Variants in ATP11A observed in about 807,000 individuals in gnomAD.
ATP11A encodes ATPase phospholipid transporting 11A.
Under a neutral mutation model 154.4 loss-of-function variants are expected in ATP11A, and 81 were observed. That is an observed-to-expected ratio of 0.52 (90% CI 0.44 to 0.63). The LOEUF (loss-of-function observed/expected upper bound fraction) is 0.63. Ranked by LOEUF, ATP11A falls within the 30% of genes least tolerant of loss-of-function variation. The probability of loss-of-function intolerance (pLI) is 0.00; values close to 1 mark genes in which losing one functional copy is unlikely to be tolerated. For missense variants in ATP11A, 1,316 were observed against 1,474.3 expected, an observed-to-expected ratio of 0.89 and a Z score of 1.76; for synonymous variants, 623 against 585.9, an observed-to-expected ratio of 1.06 and a Z score of -0.91.
At chr13:112,781,278 GCTC>G (rs2077492293) in intron 1 of ATP11A, among the ~76,000 whole-genome samples, 1 of 151,914 alleles carries the variant, frequency 6.6e-6, no homozygotes, top group Non-Finnish European at 1.5e-5. Context: ...GGCCTCAAGC[GCTC>G]CGCCTGCCTT....
intron 6 of ATP11A, 62 bp downstream of exon 6, chr13:112,816,273 C>G: frequency 6.3e-7 from 1 of 1,599,768 alleles, no homozygotes; most frequent in South Asian, 1.1e-5. Context: ...GGACTGTGCC[C>G]ATGCGGCCAC....
chr13:112,736,388 G>C (rs1031800138), intron 1 of ATP11A, among the ~76,000 whole-genome samples: 8 of 152,144 alleles, frequency 5.3e-5, no homozygotes, highest in Admixed American at 1.3e-4. Flanking sequence ...AACTTTATAG[G>C]AAAAGATGTT....
intron 8 of ATP11A, among the ~76,000 whole-genome samples, chr13:112,820,936 AGGAGCTAC>A (rs1204293586): frequency 6.6e-6 from 1 of 152,242 alleles, no homozygotes; most frequent in Non-Finnish European, 1.5e-5. Context: ...GTAAGTCTCC[AGGAGCTAC>A]TGTTTTAAGA....
chr13:112,801,552 C>G (rs1594743106), intron 2 of ATP11A, among the ~76,000 whole-genome samples: 1 of 152,154 alleles, frequency 6.6e-6, no homozygotes, highest in African/African-American at 2.4e-5. Context: ...CCCAAAGAAC[C>G]AACAATAACA....
Position 112,859,015 on chromosome 13 carries a change from C to T in ATP11A, c.2668-378C>T, listed in dbSNP as rs1293639151. The T allele has an allele frequency of 3.5e-6, 1 of 284,008 alleles. No homozygotes were observed. The highest frequency in any genetic ancestry group is 2.2e-5 in the African/African-American group (1 of 44,932). The allele number at this position is 284,008 out of a possible 1,614,324, so 17.6% of individuals were successfully genotyped here. On this transcript the variant is annotated intron_variant, in intron 22 of 29. Transcript: ENST00000375645. This position sits in a 1 kb window ranked among gnomAD's most constrained non-coding sequence, Gnocchi z 4.3. ...CCGTGCCGCGGGAGGAGACCCCCAGCCCTTTTCTCCCCCCACAGAATTGAG... is the reference window on the plus strand; with the variant it reads ...CCGTGCCGCGGGAGGAGACCCCCAGTCCTTTTCTCCCCCCACAGAATTGAG...
Position 112,831,424 on chromosome 13 carries a change from T to G in ATP11A, c.1271T>G (p.Met424Arg), listed in dbSNP as rs1366545716. 1 of 1,614,056 alleles carries G rather than the reference T, an allele frequency of 6.2e-7. No homozygotes were observed. The highest frequency in any genetic ancestry group is 1.7e-5 in the Admixed American group (1 of 60,020). The change falls in exon 13 of 30, where the codon ATG becomes AGG. Residue 424 changes from methionine (M) to arginine (R), a missense_variant. By Grantham distance (91) the Met-to-Arg change is moderately conservative. Coordinates refer to ENST00000375645, the MANE Select transcript of ATP11A (RefSeq NM_015205.3). ...ACCGGCACCCTCACGGAAAACAACA[T>G]GGAGTTCAAGGAGTGCTGCATCGAA... ...DKTGTLTENN[M>R]EFKECCIEGH...
At chr13:112,740,152 A>ATG (rs1383577420) in intron 1 of ATP11A, among the ~76,000 whole-genome samples, 1 of 128,666 alleles carries the variant, frequency 7.8e-6, no homozygotes, top group Admixed American at 7.5e-5. Context: ...CTCTCTCTAT[A>ATG]TATATATATA....
At chr13:112,777,310 T>A (rs146254533) in intron 1 of ATP11A, among the ~76,000 whole-genome samples, 40 of 152,300 alleles carry the variant, frequency 2.6e-4, no homozygotes, top group African/African-American at 9.4e-4. Context: ...ACGCCCGTAA[T>A]CCCAGCACTT....
At chr13:112,710,542 G>A (rs571300531) in intron 1 of ATP11A, among the ~76,000 whole-genome samples, 1 of 152,306 alleles carries the variant, frequency 6.6e-6, no homozygotes, top group Non-Finnish European at 1.5e-5. Context: ...AGGAGCCTGC[G>A]GGAGAAGACA....
At chr13:112,810,388 C>T (rs1019382830) in intron 4 of ATP11A, among the ~76,000 whole-genome samples, 1 of 152,260 alleles carries the variant, frequency 6.6e-6, no homozygotes, top group African/African-American at 2.4e-5. Flanking sequence ...TCTCCAACGT[C>T]TTCGAAGTTC....
At chr13:112,837,836 TA>T (rs759305557) in intron 16 of ATP11A, among the ~76,000 whole-genome samples, 1 of 151,548 alleles carries the variant, frequency 6.6e-6, no homozygotes, top group African/African-American at 2.4e-5. Flanking sequence ...GAAGGAGCTG[TA>T]GGGGGAGGCA....
At chr13:112,757,129 C>G (rs1352897483) in intron 1 of ATP11A, among the ~76,000 whole-genome samples, 1 of 152,154 alleles carries the variant, frequency 6.6e-6, no homozygotes, top group Non-Finnish European at 1.5e-5. Flanking sequence ...TGTAGTGTTA[C>G]TGGTGGAGCT....
chr13:112,799,202 T>C (rs912020825), intron 2 of ATP11A, among the ~76,000 whole-genome samples: 1 of 152,230 alleles, frequency 6.6e-6, no homozygotes, highest in African/African-American at 2.4e-5. Context: ...TCCACTGTTA[T>C]ATTTGGACAC....
Position 112,817,478 on chromosome 13 carries a change from G to A in ATP11A, c.570+1267G>A, listed in dbSNP as rs1008951127. Among the ~76,000 whole-genome samples, 24 of 152,300 alleles carry A rather than the reference G, an allele frequency of 1.6e-4. No individual in the cohort carries two copies. The South Asian group carries it at 2.9e-3, about 18-fold the overall frequency. On this transcript the variant is annotated intron_variant, in intron 6 of 29. Coordinates refer to ENST00000375645, the MANE Select transcript of ATP11A (RefSeq NM_015205.3). Reference sequence around the variant, plus strand: ...GATTGTCAGCAGTTTCTAGGGGGTCGGAATCCCTGGATGATTCAGGTATTC... The same window carrying A: ...GATTGTCAGCAGTTTCTAGGGGGTCAGAATCCCTGGATGATTCAGGTATTC...
In ATP11A at chr13:112,851,204, A is replaced by G. The variant is rs1342666519; in HGVS notation, c.1977A>G (p.Thr659=). ...AAGATCTTACTCTGCTTGGTGCTAC[A>G]GCTGTTGAGGACCGGTAAAGTAAAC... ...IEKDLTLLGA[T]AVEDRLQEKA... The change falls in exon 18 of 30, where the codon ACA becomes ACG. Residue 659 remains threonine, a synonymous_variant. Coordinates refer to ENST00000375645, the MANE Select transcript of ATP11A (RefSeq NM_015205.3). 6.2e-7 allele frequency: 1 copy of G among 1,613,582 alleles called. No individual in the cohort carries two copies. The highest frequency in any genetic ancestry group is 1.3e-5 in the African/African-American group (1 of 74,928).
intron 1 of ATP11A, among the ~76,000 whole-genome samples, chr13:112,719,188 C>T (rs997592479): frequency 2.5e-4 from 38 of 150,644 alleles, no homozygotes; most frequent in East Asian, 2.0e-4. Context: ...CGTCAAAGAC[C>T]GTCTTGGTGA....
chr13:112,705,277 T>C (rs1887007163), intron 1 of ATP11A, among the ~76,000 whole-genome samples: 1 of 136,870 alleles, frequency 7.3e-6, no homozygotes, highest in Non-Finnish European at 1.5e-5. Context: ...TCGGATGTAA[T>C]GTGGAAACAA....
chr13:112,858,493 T>C, intron 22 of ATP11A: 1 of 519,822 alleles, frequency 1.9e-6, no homozygotes, highest in Non-Finnish European at 3.2e-6. Context: ...TTACCTACAG[T>C]CAACCCATGC....
In ATP11A at chr13:112,855,981, C is replaced by G. The variant is rs768368911; in HGVS notation, c.2314C>G (p.Arg772Gly). 9 of 1,614,168 alleles carry G rather than the reference C, an allele frequency of 5.6e-6. No homozygotes were observed. The highest frequency in any genetic ancestry group is 1.3e-5 in the African/African-American group (1 of 75,042). Residue 772 changes from arginine to glycine, a missense_variant, in exon 20 of 30, where the codon CGA (arginine) becomes GGA (glycine). Arg to Gly is a moderately radical substitution (Grantham distance 125, BLOSUM62 -2). This residue lies in a region of ATP11A where 876 missense variants were observed against 1,006.8 expected (regional missense o/e 0.87). Coordinates refer to ENST00000375645, the MANE Select transcript of ATP11A (RefSeq NM_015205.3). ...GAALSLIMKP[R>G]EDGSSGNYRE... ...TGCACTGTCTCTGATAATGAAGCCT[C>G]GAGAAGACGGGAGTTCCGGCAACTA...
Sources: allele counts gnomAD v4.1 joint callset (sites outside exome capture counted in the v4.1 genomes callset), GRCh38; gene constraint gnomAD v4.1.1; regional missense constraint gnomAD v4.1.1; non-coding constraint Gnocchi (gnomAD v3.1); transcripts MANE v1.5; gene names NCBI Gene and HGNC (gene_info 2026-07-23, HGNC 2026-07-21).